Variants in CSN2 observed in about 807,000 individuals in gnomAD.
CSN2 encodes casein beta.
In CSN2, 27 loss-of-function variants were observed where a neutral mutation model predicts 27.3. That is an observed-to-expected ratio of 0.99 (90% CI 0.73 to 1.36). The LOEUF (loss-of-function observed/expected upper bound fraction) is 1.36, where lower values mean the gene tolerates loss of function less well. Among genes scored for constraint, CSN2 ranks in the 40% most tolerant of loss-of-function variants. The pLI is 0.00. For missense variants in CSN2, 333 were observed against 264.5 expected, an observed-to-expected ratio of 1.26 and a Z score of -1.80; for synonymous variants, 131 against 94.8, an observed-to-expected ratio of 1.38 and a Z score of -2.22.
chr4:69,959,963 A>G, intron 3 of CSN2, 90 bp downstream of exon 3: 2 of 1,104,098 alleles, frequency 1.8e-6, no homozygotes, highest in Non-Finnish European at 2.7e-6. Context: ...TCATTAACAT[A>G]GCTGCATTAG....
chr4:69,963,713 G>A (rs1346215958), intron 1 of CSN2, among the ~76,000 whole-genome samples: 3 of 152,044 alleles, frequency 2.0e-5, no homozygotes, highest in Admixed American at 2.0e-4. Context: ...TTGTGCACAT[G>A]TACCCTAAAA....
Position 69,960,966 on chromosome 4 carries a change from C to T in CSN2, c.30G>A (p.Val10=), listed in dbSNP as rs749973270. 6.2e-7 allele frequency: 1 copy of T among 1,612,840 alleles called. No homozygotes were observed. The highest frequency in any genetic ancestry group is 1.1e-5 in the South Asian group (1 of 91,002). MKVLILACL[V]ALALARETIE... The stretch of plus-strand genomic sequence containing the variant: ...ATACCTCCCTTGCAAGAGCAAGAGC[C>T]ACCAGGCAGGCGAGGATGAGGACCT... The change falls in exon 2 of 8, where the codon GTG becomes GTA. Residue 10 remains valine, a synonymous_variant. Coordinates refer to ENST00000353151, the MANE Select transcript of CSN2 (RefSeq NM_001891.4).
chr4:69,965,459 T>C (rs1474103615), intron 1 of CSN2, among the ~76,000 whole-genome samples: 1 of 139,280 alleles, frequency 7.2e-6, no homozygotes, highest in Non-Finnish European at 1.5e-5. Context: ...TAAAATTAGC[T>C]ATTATATTTT....
intron 1 of CSN2, among the ~76,000 whole-genome samples, chr4:69,963,389 T>C (rs1343448373): frequency 1.3e-5 from 2 of 151,990 alleles, no homozygotes; most frequent in Admixed American, 1.3e-4. Context: ...ATATACACCA[T>C]GGAATACTAT....
At chr4:69,964,493 T>G (rs760707239) in intron 1 of CSN2, among the ~76,000 whole-genome samples, 1 of 152,082 alleles carries the variant, frequency 6.6e-6, no homozygotes, top group Non-Finnish European at 1.5e-5. Flanking sequence ...TTTAATTTAT[T>G]TGAGAGATGT....
At chr4:69,965,593 T>C (rs926889743) in intron 1 of CSN2, among the ~76,000 whole-genome samples, 88 bp downstream of exon 1, 2 of 151,712 alleles carry the variant, frequency 1.3e-5, no homozygotes, top group Non-Finnish European at 2.9e-5. Flanking sequence ...CACTATATTT[T>C]AAGTAACTAC....
chr4:69,955,782 T>A (rs1723375868), intron 7 of CSN2, among the ~76,000 whole-genome samples, 190 bp from the exon 8 acceptor site: 1 of 152,056 alleles, frequency 6.6e-6, no homozygotes, highest in African/African-American at 2.4e-5. Context: ...TTAGTGAACT[T>A]GAAATTGTTT....
intron 1 of CSN2, among the ~76,000 whole-genome samples, chr4:69,964,064 A>C (rs1723709974): frequency 6.6e-6 from 1 of 152,110 alleles, no homozygotes; most frequent in African/African-American, 2.4e-5. Flanking sequence ...TTGTGTCACT[A>C]TCCAGAGACT....
intron 1 of CSN2, among the ~76,000 whole-genome samples, chr4:69,964,211 A>G (rs1723716989): frequency 6.6e-6 from 1 of 152,098 alleles, no homozygotes; most frequent in Non-Finnish European, 1.5e-5. Flanking sequence ...ATTGAAATGT[A>G]CACACGATTC....
chr4:69,961,067 G>T lies in CSN2; in HGVS notation c.-12-60C>A, dbSNP rs942736502. 316 of 1,154,562 alleles carry T rather than the reference G, an allele frequency of 2.7e-4. 1 individual carries two copies. Among genetic ancestry groups the T allele is most frequent in the Middle Eastern group, 1.2e-3 (6 of 5,026 alleles). 71.5% of individuals were successfully genotyped at this position (1,154,562 alleles called of 1,614,324 possible). A position where few individuals can be genotyped will look rare whatever the true frequency, so the allele number is the denominator to read the frequency against. ...TGGTCAATTGGATATACTTTCTTAT[G>T]TAGGTAAGGTTACTTTTTATAAAAC... On this transcript the variant is annotated intron_variant, in intron 1 of 7. Coordinates refer to ENST00000353151, the MANE Select transcript of CSN2 (RefSeq NM_001891.4).
At position 69,957,799 on chromosome 4, in the gene CSN2, T is replaced by C; in HGVS notation, c.150A>G (p.Glu50=). Residue 50 remains glutamate (E), a synonymous_variant, in exon 6 of 8, where the codon GAA becomes GAG. Coordinates refer to ENST00000353151, the MANE Select transcript of CSN2 (RefSeq NM_001891.4). Reference sequence around the variant, plus strand: ...AAGAGGGGTAGATTTTATCCTGGTGTTCATCCTGGAAAGAAGGAAAAAGAA... The same window carrying C: ...AAGAGGGGTAGATTTTATCCTGGTGCTCATCCTGGAAAGAAGGAAAAAGAA... The part of the protein sequence containing the change: ...KHEDQQQGED[E]HQDKIYPSFQ... The C allele has an allele frequency of 1.2e-6, 2 of 1,611,420 alleles. No individual in the cohort carries two copies. Among genetic ancestry groups the C allele is most frequent in the Non-Finnish European group, 1.7e-6 (2 of 1,178,296 alleles).
At chr4:69,962,802 T>A (rs369770355) in intron 1 of CSN2, among the ~76,000 whole-genome samples, 4 of 152,258 alleles carry the variant, frequency 2.6e-5, no homozygotes, top group East Asian at 3.9e-4. Context: ...ACAGGCAACC[T>A]GCAGAATGAG....
intron 1 of CSN2, among the ~76,000 whole-genome samples, chr4:69,962,093 C>T (rs570096646): frequency 2.0e-3 from 299 of 152,208 alleles, no homozygotes; most frequent in African/African-American, 6.9e-3. Context: ...AGGATACAAA[C>T]AAATGGAAGA....
chr4:69,959,372 T>C (rs1435536069), intron 3 of CSN2, among the ~76,000 whole-genome samples: 1 of 152,080 alleles, frequency 6.6e-6, no homozygotes, highest in Non-Finnish European at 1.5e-5. Context: ...AAAAAAGAAA[T>C]ACTCATTGAA....
Position 69,957,672 on chromosome 4 carries a change from C to CA in CSN2, c.276dup (p.Val93CysfsTer5). On this transcript the variant is annotated frameshift_variant, in exon 6 of 8. Coordinates refer to ENST00000353151, the MANE Select transcript of CSN2 (RefSeq NM_001891.4). LOFTEE classifies it high-confidence loss of function. ...ACTTCCATTATTTCAGGCTGAGGGA[C>CA]AGGCAGCACCACAGCAGGCTGAGCA... is the stretch of plus-strand genomic sequence containing the variant. The CA allele has an allele frequency of 6.2e-7, 1 of 1,613,914 alleles. No homozygotes were observed. The highest frequency in any genetic ancestry group is 1.1e-5 in the South Asian group (1 of 91,068).
chr4:69,958,890 C>T lies in CSN2; in HGVS notation c.144+19G>A, dbSNP rs1376768445. On this transcript the variant is annotated intron_variant, in intron 5 of 7. Coordinates refer to ENST00000353151, the MANE Select transcript of CSN2 (RefSeq NM_001891.4). ...ACTTTATAATAATTTTAAACATATA[C>T]TTATCATTAACAAATTACCTCTCCT... The T allele has an allele frequency of 6.6e-7, 1 of 1,513,650 alleles. No individual in the cohort carries two copies. The highest frequency in any genetic ancestry group is 1.4e-5 in the African/African-American group (1 of 72,428). The allele number at this position is 1,513,650 out of a possible 1,614,324, so 93.8% of individuals were successfully genotyped here.
chr4:69,958,515 A>G (rs1212821490), intron 5 of CSN2, among the ~76,000 whole-genome samples: 4 of 152,120 alleles, frequency 2.6e-5, no homozygotes, highest in African/African-American at 9.7e-5. Flanking sequence ...TGTTGTCCAT[A>G]TGGGAATAAA....
chr4:69,959,167 A>T, intron 3 of CSN2, 98 bp from the exon 4 acceptor site: 1 of 911,582 alleles, frequency 1.1e-6, no homozygotes, highest in Non-Finnish European at 1.6e-6. Flanking sequence ...TGATAATATC[A>T]TTAATAACTT....
chr4:69,962,046 A>G (rs1157085259), intron 1 of CSN2, among the ~76,000 whole-genome samples: 1 of 152,190 alleles, frequency 6.6e-6, no homozygotes, highest in Non-Finnish European at 1.5e-5. Flanking sequence ...GGACCTCTCC[A>G]AGGAGAACTA....
Sources: gnomAD v4.1 joint callset for allele counts (sites outside exome capture counted in the v4.1 genomes callset) on GRCh38, gnomAD v4.1.1 for gene constraint, MANE v1.5 for transcripts, NCBI Gene and HGNC (gene_info 2026-07-23, HGNC 2026-07-21) for gene names.